EHMT1: variants seen among roughly 807,000 people sequenced by gnomAD.
EHMT1 encodes euchromatic histone lysine methyltransferase 1, also known as histone-lysine N-methyltransferase EHMT1.
In EHMT1, 15 loss-of-function variants were observed where a neutral mutation model predicts 147.2. The ratio of observed to expected loss-of-function variants is 0.10; its 90% CI spans 0.07 to 0.16. The LOEUF (loss-of-function observed/expected upper bound fraction) is 0.16. Ranked by LOEUF, EHMT1 falls within the 10% of genes least tolerant of loss-of-function variation. The pLI, the probability that EHMT1 is intolerant of heterozygous loss-of-function variation, is 1.00. For missense variants in EHMT1, 1,587 were observed against 1,772.4 expected, an observed-to-expected ratio of 0.90 and a Z score of 1.88; for synonymous variants, 795 against 709.6, an observed-to-expected ratio of 1.12 and a Z score of -1.91.
chr9:137,831,229 T>G (rs1384396404), intron 25 of EHMT1, among the ~76,000 whole-genome samples: 1 of 152,174 alleles, frequency 6.6e-6, no homozygotes, highest in Non-Finnish European at 1.5e-5. Context: ...GCAGTAACCA[T>G]CAGCAGAAAT....
At chr9:137,743,118 G>T in intron 4 of EHMT1, 1 of 466,280 alleles carries the variant, frequency 2.1e-6, no homozygotes, top group Non-Finnish European at 3.9e-6. Context: ...GATAATGTTT[G>T]CTCCGTGTTT....
chr9:137,762,671 T>C lies in EHMT1; in HGVS notation c.1502-4T>C, dbSNP rs1949921034. 11 of 1,614,184 alleles carry C rather than the reference T, an allele frequency of 6.8e-6. No individual in the cohort carries two copies. The East Asian group carries it at 2.5e-4, about 36-fold the overall frequency. On this transcript the variant is annotated splice_polypyrimidine_tract_variant and splice_region_variant and intron_variant, in intron 9 of 26. Coordinates refer to ENST00000460843, the MANE Select transcript of EHMT1 (RefSeq NM_024757.5). The stretch of plus-strand genomic sequence containing the variant: ...TGAGCTGACATGTGTCTGTGTGACG[T>C]TAGGGTTGGCCAACGGTCCAGATGT...
chr9:137,646,583 GGTCTGGGGGA>G, intron 1 of EHMT1: 1 of 292,960 alleles, frequency 3.4e-6, no homozygotes, highest in East Asian at 1.8e-4. Flanking sequence ...GGTCTGGGGT[GGTCTGGGGGA>G]GGCCCACGTG....
intron 3 of EHMT1, among the ~76,000 whole-genome samples, chr9:137,724,778 T>C (rs1946421758): frequency 1.3e-5 from 2 of 152,158 alleles, no homozygotes; most frequent in African/African-American, 4.8e-5. Context: ...CCTGGTGTGC[T>C]GGAGAAAGAC....
At chr9:137,664,551 G>A (rs761683317) in intron 1 of EHMT1, among the ~76,000 whole-genome samples, 4 of 151,940 alleles carry the variant, frequency 2.6e-5, no homozygotes, top group East Asian at 1.9e-4. Flanking sequence ...GAGCAACTGC[G>A]CCTGGCCCGA....
intron 25 of EHMT1, among the ~76,000 whole-genome samples, chr9:137,829,072 G>A (rs879176020): frequency 6.6e-6 from 1 of 152,182 alleles, no homozygotes; most frequent in Non-Finnish European, 1.5e-5. Context: ...GGAGGCCCCC[G>A]CCCTGGTCTC....
chr9:137,791,858 A>G (rs1446463688), intron 16 of EHMT1, among the ~76,000 whole-genome samples: 1 of 152,190 alleles, frequency 6.6e-6, no homozygotes. Context: ...CAGCCTCCCT[A>G]GTAGCTGAGA....
chr9:137,709,674 A>T (rs1357122138), intron 1 of EHMT1, among the ~76,000 whole-genome samples: 2 of 130,840 alleles, frequency 1.5e-5, no homozygotes, highest in Non-Finnish European at 3.2e-5. Context: ...GCCTCTTCTT[A>T]CCTGTTGATA....
chr9:137,681,189 T>G (rs2480110), intron 1 of EHMT1, among the ~76,000 whole-genome samples: 1 of 152,134 alleles, frequency 6.6e-6, no homozygotes, highest in African/African-American at 2.4e-5. Flanking sequence ...GAGGGAGAAC[T>G]GGGTGGTTCA....
intron 3 of EHMT1, among the ~76,000 whole-genome samples, chr9:137,726,338 T>C (rs908846366): frequency 2.0e-5 from 3 of 152,248 alleles, no homozygotes; most frequent in Non-Finnish European, 2.9e-5. Context: ...GTTGGACGAC[T>C]CTAGGGACCT....
intron 1 of EHMT1, among the ~76,000 whole-genome samples, chr9:137,646,671 G>A (rs988484632): frequency 1.3e-5 from 2 of 152,228 alleles, no homozygotes; most frequent in Admixed American, 6.5e-5. Flanking sequence ...CGCAAGGCAC[G>A]TGTGTTGTCA....
At chr9:137,703,548 C>A (rs963583836) in intron 1 of EHMT1, among the ~76,000 whole-genome samples, 1 of 152,126 alleles carries the variant, frequency 6.6e-6, no homozygotes, top group African/African-American at 2.4e-5. Context: ...TTCAAAGTTC[C>A]ACAGATCCTT....
intron 4 of EHMT1, among the ~76,000 whole-genome samples, chr9:137,735,571 A>G (rs1947461655): frequency 6.6e-6 from 1 of 152,242 alleles, no homozygotes; most frequent in South Asian, 2.1e-4. Context: ...ATGTAAACAG[A>G]TGAAGATTTC....
chr9:137,794,939 G>T (rs1440920014), intron 16 of EHMT1: 1 of 152,136 alleles, frequency 6.6e-6, no homozygotes, highest in Non-Finnish European at 1.5e-5. Context: ...TGAATGAGGG[G>T]CACCAGATGG....
chr9:137,766,134 G>A (rs1301612418), intron 10 of EHMT1, among the ~76,000 whole-genome samples: 1 of 152,122 alleles, frequency 6.6e-6, no homozygotes, highest in African/African-American at 2.4e-5. Context: ...CCCCTTTGTA[G>A]TACTCTTGAG....
At chr9:137,675,703 C>T (rs1164423202) in intron 1 of EHMT1, among the ~76,000 whole-genome samples, 2 of 149,740 alleles carry the variant, frequency 1.3e-5, no homozygotes, top group Admixed American at 6.7e-5. Context: ...CCTCCACCTC[C>T]CGGGTTCAAG....
chr9:137,762,678 T>C lies in EHMT1; in HGVS notation c.1505T>C (p.Leu502Ser), dbSNP rs1212547436. The change falls in exon 10 of 27, where the codon TTG (leucine) becomes TCG (serine). Residue 502 changes from leucine (L) to serine (S), a missense_variant. Leu to Ser is a moderately radical substitution (Grantham distance 145). This residue lies in a region of EHMT1 where 810 missense variants were observed against 673.0 expected (regional missense o/e 1.20). Coordinates refer to ENST00000460843, the MANE Select transcript of EHMT1 (RefSeq NM_024757.5). ...KGILSSQAEG[L>S]ANGPDVLETD... is the part of the protein sequence containing the mutation. The stretch of plus-strand genomic sequence containing the variant: ...ACATGTGTCTGTGTGACGTTAGGGT[T>C]GGCCAACGGTCCAGATGTGCTGGAG... 6.2e-7 allele frequency: 1 copy of C among 1,614,252 alleles called. No homozygotes were observed. The highest frequency in any genetic ancestry group is 1.7e-5 in the Admixed American group (1 of 60,028).
intron 4 of EHMT1, among the ~76,000 whole-genome samples, chr9:137,735,854 C>T (rs1947487843): frequency 1.3e-5 from 2 of 152,166 alleles, no homozygotes; most frequent in African/African-American, 2.4e-5. Context: ...ACCATGTGAT[C>T]GCTTGCACAT....
At chr9:137,769,002 T>C (rs1950427755) in intron 10 of EHMT1, among the ~76,000 whole-genome samples, 1 of 152,256 alleles carries the variant, frequency 6.6e-6, no homozygotes, top group Admixed American at 6.5e-5. Flanking sequence ...TGCATTCTTT[T>C]GAATTTGAAT....
Sources: allele counts gnomAD v4.1 joint callset (sites outside exome capture counted in the v4.1 genomes callset), GRCh38; gene constraint gnomAD v4.1.1; regional missense constraint gnomAD v4.1.1; transcripts MANE v1.5; gene names NCBI Gene and HGNC (gene_info 2026-07-23, HGNC 2026-07-21).